CSMD1: variants seen among roughly 807,000 people sequenced by gnomAD.
CSMD1 encodes the protein CUB and Sushi multiple domains 1.
CSMD1 carries 213 observed loss-of-function variants against 417.5 expected under a neutral mutation model. The ratio of observed to expected loss-of-function variants is 0.51; its 90% CI spans 0.46 to 0.57. The LOEUF (loss-of-function observed/expected upper bound fraction) is 0.57, where lower values mean the gene tolerates loss of function less well. CSMD1 is among the 20% of genes least tolerant of loss of function. The pLI, the probability that CSMD1 is intolerant of heterozygous loss-of-function variation, is 0.00. For missense variants in CSMD1, 6,923 were observed against 4,529.7 expected, an observed-to-expected ratio of 1.53 and a Z score of -15.17; for synonymous variants, 2,862 against 1,736.8, an observed-to-expected ratio of 1.65 and a Z score of -16.11.
chr8:3,867,011 T>C (rs908311143), intron 5 of CSMD1, among the ~76,000 whole-genome samples: 2 of 152,246 alleles, frequency 1.3e-5, no homozygotes, highest in Admixed American at 1.3e-4. Context: ...CCAATATTTT[T>C]AATTCTGTGC....
chr8:4,072,227 G>T (rs775755598), intron 3 of CSMD1, among the ~76,000 whole-genome samples: 3 of 152,124 alleles, frequency 2.0e-5, no homozygotes, highest in African/African-American at 4.8e-5. Flanking sequence ...ATCCACAGTT[G>T]CAAGTGAAGA....
intron 5 of CSMD1, among the ~76,000 whole-genome samples, chr8:3,967,634 T>G (rs759616643): frequency 2.6e-5 from 4 of 152,132 alleles, no homozygotes; most frequent in Non-Finnish European, 5.9e-5. Context: ...ATTACTCACA[T>G]TTCCCCTCCA....
chr8:4,075,344 T>C (rs1799766529), intron 3 of CSMD1, among the ~76,000 whole-genome samples: 2 of 152,064 alleles, frequency 1.3e-5, no homozygotes, highest in South Asian at 4.1e-4. Flanking sequence ...TATAGAGCTC[T>C]CTAAGATGAA....
At chr8:3,847,749 C>G (rs886459519) in intron 5 of CSMD1, among the ~76,000 whole-genome samples, 3 of 152,132 alleles carry the variant, frequency 2.0e-5, no homozygotes, top group Admixed American at 1.3e-4. Flanking sequence ...ACTGCAGTTC[C>G]AGCTCCATAT....
chr8:3,497,915 A>C (rs1182044719), intron 10 of CSMD1, among the ~76,000 whole-genome samples: 1 of 152,152 alleles, frequency 6.6e-6, no homozygotes, highest in Non-Finnish European at 1.5e-5. Flanking sequence ...GTGTGTCTTC[A>C]CAATGGTGGT....
At chr8:4,395,706 G>C (rs769316975) in intron 3 of CSMD1, among the ~76,000 whole-genome samples, 2 of 152,092 alleles carry the variant, frequency 1.3e-5, no homozygotes, top group Admixed American at 6.5e-5. Context: ...GTATGATGAA[G>C]AGTCTTTGTA....
intron 5 of CSMD1, among the ~76,000 whole-genome samples, 180 bp from the exon 6 acceptor site, chr8:3,754,222 A>G (rs1436707726): frequency 6.6e-6 from 1 of 152,156 alleles, no homozygotes; most frequent in Non-Finnish European, 1.5e-5. Flanking sequence ...CTTTGCCCAA[A>G]CATAAATGCT....
chr8:4,537,898 G>C (rs898289557), intron 2 of CSMD1, among the ~76,000 whole-genome samples: 1 of 152,176 alleles, frequency 6.6e-6, no homozygotes, highest in Non-Finnish European at 1.5e-5. Flanking sequence ...TTTCTCATTA[G>C]TTATTCTCTC....
intron 37 of CSMD1, among the ~76,000 whole-genome samples, chr8:3,172,761 T>C (rs1820661869): frequency 6.6e-6 from 1 of 152,128 alleles, no homozygotes; most frequent in Non-Finnish European, 1.5e-5. Flanking sequence ...CCAAACATCG[T>C]CTCCCATGAG....
chr8:4,067,645 T>G (rs752306724), intron 3 of CSMD1, among the ~76,000 whole-genome samples: 2 of 152,200 alleles, frequency 1.3e-5, no homozygotes, highest in Non-Finnish European at 2.9e-5. Flanking sequence ...CTGATTTCAT[T>G]CAAAAAGAAT....
chr8:4,114,393 G>C (rs945499027), intron 3 of CSMD1, among the ~76,000 whole-genome samples: 3 of 152,180 alleles, frequency 2.0e-5, no homozygotes, highest in African/African-American at 4.8e-5. Context: ...AGGAAAAAAA[G>C]ATTCCTTTCA....
chr8:4,554,020 A>T (rs1797984468), intron 2 of CSMD1, among the ~76,000 whole-genome samples: 1 of 152,192 alleles, frequency 6.6e-6, no homozygotes, highest in African/African-American at 2.4e-5. Context: ...CTTGCGATCT[A>T]ACCGCCCAGT....
At chr8:3,751,336 A>G (rs1322288906) in intron 6 of CSMD1, among the ~76,000 whole-genome samples, 4 of 126,554 alleles carry the variant, frequency 3.2e-5, no homozygotes, top group Admixed American at 7.9e-5. Context: ...GTATATATAT[A>G]TATATACACG....
chr8:3,301,557 A>T lies in CSMD1; in HGVS notation c.3950+6138T>A, dbSNP rs141603463. Among the ~76,000 whole-genome samples the T allele has an allele frequency of 1.8e-3, 278 of 152,294 alleles. 2 individuals are homozygous for T. Among genetic ancestry groups the T allele is most frequent in the African/African-American group, 6.1e-3 (255 of 41,564 alleles). ...TGCTGAGCCCTAAGAGATGGGAAGA[A>T]ACTGGAGGTGAGTCAATGAGGAGAA... is the stretch of plus-strand genomic sequence containing the variant. On this transcript the variant is annotated intron_variant, in intron 25 of 69. Transcript: ENST00000635120.
At chr8:4,455,512 G>C (rs1043674636) in intron 2 of CSMD1, among the ~76,000 whole-genome samples, 1 of 152,146 alleles carries the variant, frequency 6.6e-6, no homozygotes, top group Non-Finnish European at 1.5e-5. Flanking sequence ...ATTTGTCTCT[G>C]CAGCTGGACC....
intron 17 of CSMD1, among the ~76,000 whole-genome samples, chr8:3,392,161 A>T (rs1416248628): frequency 6.6e-6 from 1 of 151,784 alleles, no homozygotes; most frequent in Admixed American, 6.6e-5. Flanking sequence ...ATGTTAAATG[A>T]TGAGTTAATG....
At chr8:3,515,238 T>A (rs762248119) in intron 10 of CSMD1, 1 of 152,216 alleles carries the variant, frequency 6.6e-6, no homozygotes, top group African/African-American at 2.4e-5. Flanking sequence ...ATCCTATTTG[T>A]CCTTAATATA....
chr8:4,094,768 G>C (rs762239120), intron 3 of CSMD1, among the ~76,000 whole-genome samples: 1 of 152,168 alleles, frequency 6.6e-6, no homozygotes, highest in Non-Finnish European at 1.5e-5. Context: ...GAGATGCTGA[G>C]CTAACACTGC....
chr8:3,559,558 GTTT>G (rs1799379337), intron 10 of CSMD1, among the ~76,000 whole-genome samples: 2 of 152,068 alleles, frequency 1.3e-5, no homozygotes, highest in South Asian at 4.1e-4. Flanking sequence ...AAAGAATTGG[GTTT>G]TTGTGTTTAT....
Sources: gnomAD v4.1 joint callset for allele counts (sites outside exome capture counted in the v4.1 genomes callset) on GRCh38, gnomAD v4.1.1 for gene constraint, MANE v1.5 for transcripts, NCBI Gene and HGNC (gene_info 2026-07-23, HGNC 2026-07-21) for gene names.